PUM1: variants seen among roughly 807,000 people sequenced by gnomAD.
The protein encoded by PUM1 is pumilio homolog 1.
A neutral mutation model predicts 131.8 loss-of-function variants in PUM1; 13 were observed. The ratio of observed to expected loss-of-function variants is 0.10; its 90% confidence interval spans 0.06 to 0.16. The LOEUF (loss-of-function observed/expected upper bound fraction) is 0.16, where lower values mean the gene tolerates loss of function less well. Ranked by LOEUF, PUM1 falls within the 10% of genes least tolerant of loss-of-function variation. PUM1 has a pLI of 1.00. For synonymous variants in PUM1, 509 were observed against 556.5 expected (o/e 0.91, Z 1.20); for missense variants, 961 against 1,512.4 (o/e 0.64, Z 6.05).
intron 1 of PUM1, among the ~76,000 whole-genome samples, chr1:31,060,423 T>C (rs1488387961): frequency 6.6e-6 from 1 of 151,964 alleles, no homozygotes; most frequent in Non-Finnish European, 1.5e-5. Context: ...ATCATGCCAC[T>C]GTACTCCAAC....
intron 3 of PUM1, among the ~76,000 whole-genome samples, chr1:31,026,432 T>C (rs940533496): frequency 6.6e-6 from 1 of 152,202 alleles, no homozygotes; most frequent in Non-Finnish European, 1.5e-5. Context: ...ACTAGTCCTG[T>C]CAATAATGAT....
chr1:30,951,375 A>G (rs1639926667), intron 16 of PUM1, among the ~76,000 whole-genome samples: 1 of 152,246 alleles, frequency 6.6e-6, no homozygotes, highest in Admixed American at 6.5e-5. Context: ...GGGTGAAAAA[A>G]CATAAGTCTT....
rs533017068 is a variant in PUM1 at position 31,004,173 on chromosome 1, G to A, written c.720+1680C>T. Among the ~76,000 whole-genome samples the A allele has an allele frequency of 6.6e-5, 10 of 152,250 alleles. 1 individual carries two copies. The South Asian group carries it at 1.7e-3, about 25-fold the overall frequency. ...TACAGCTTTTGTCATCAAAATAACC[G>A]TCTAGTGAGATGACTGTTTAAAGAG... On this transcript the variant is annotated intron_variant, in intron 5 of 21. Transcript: ENST00000426105.
intron 3 of PUM1, among the ~76,000 whole-genome samples, chr1:31,020,571 A>AC (rs1348409685): frequency 6.6e-6 from 1 of 152,014 alleles, no homozygotes; most frequent in East Asian, 1.9e-4. Context: ...TTGCTTCATG[A>AC]CCCCCTCACA....
At chr1:31,058,661 T>TG (rs1644303360) in intron 2 of PUM1, among the ~76,000 whole-genome samples, 2 of 125,428 alleles carry the variant, frequency 1.6e-5, no homozygotes, top group Admixed American at 1.7e-4. Flanking sequence ...GACTCCGTCT[T>TG]AAAAAAAAAA....
intron 3 of PUM1, among the ~76,000 whole-genome samples, chr1:31,024,320 C>T (rs954634086): frequency 2.0e-5 from 3 of 152,144 alleles, no homozygotes; most frequent in Admixed American, 6.5e-5. Flanking sequence ...CTCTATAAGC[C>T]ACTCTGCTAT....
At chr1:31,003,495 G>A (rs907643630) in intron 5 of PUM1, among the ~76,000 whole-genome samples, 3 of 152,106 alleles carry the variant, frequency 2.0e-5, no homozygotes, top group Non-Finnish European at 4.4e-5. Context: ...GGTGGCTCAC[G>A]CTTGTAATCC....
Position 31,017,631 on chromosome 1 carries a change from C to A in PUM1, c.433-10529G>T, listed in dbSNP as rs1348690986. On this transcript the variant is annotated intron_variant, in intron 3 of 21. Transcript: ENST00000426105. ...CCAGGGAAGCCAAAAGACTGGACAA[C>A]CCTGATTTAGAGTGAGTGAGACAGT... is the stretch of plus-strand genomic sequence containing the variant. 2.0e-5 allele frequency among the ~76,000 whole-genome samples: 3 copies of A among 151,868 alleles called. No individual in the cohort carries two copies. In the East Asian group the frequency reaches 5.8e-4, roughly 29 times the overall value.
At chr1:31,047,792 A>C (rs1047184436) in intron 2 of PUM1, among the ~76,000 whole-genome samples, 2 of 152,168 alleles carry the variant, frequency 1.3e-5, no homozygotes, top group African/African-American at 4.8e-5. Flanking sequence ...AAGTACAAAA[A>C]TTAGCTGGGC....
intron 7 of PUM1, among the ~76,000 whole-genome samples, chr1:30,984,606 A>G (rs755157537): frequency 6.6e-6 from 1 of 152,202 alleles, no homozygotes; most frequent in Non-Finnish European, 1.5e-5. Flanking sequence ...TACTTCAAGC[A>G]TATCGAGGTT....
At chr1:31,046,324 T>A (rs1218333288) in intron 2 of PUM1, among the ~76,000 whole-genome samples, 1 of 151,956 alleles carries the variant, frequency 6.6e-6, no homozygotes, top group South Asian at 2.1e-4. Flanking sequence ...AGGTGGAGGT[T>A]GCGGTGAGCC....
intron 5 of PUM1, among the ~76,000 whole-genome samples, chr1:30,997,512 T>C (rs1441802810): frequency 6.7e-6 from 1 of 150,292 alleles, no homozygotes; most frequent in Non-Finnish European, 1.5e-5. Context: ...TTTTTTTTTT[T>C]TTTTAAAGGA....
chr1:31,038,879 G>GA (rs1643702830), intron 2 of PUM1, among the ~76,000 whole-genome samples: 1 of 145,730 alleles, frequency 6.9e-6, no homozygotes, highest in Non-Finnish European at 1.5e-5. Context: ...GGAAAAGATG[G>GA]AAACAGTCTA....
intron 2 of PUM1, among the ~76,000 whole-genome samples, chr1:31,029,475 C>T (rs1255941385): frequency 1.3e-5 from 2 of 152,252 alleles, no homozygotes; most frequent in African/African-American, 4.8e-5. Flanking sequence ...TGTAATCCTA[C>T]CTACAGCATA....
rs1379891549 is a variant in PUM1 at position 31,038,977 on chromosome 1, TATATA to T, written c.364-10118_364-10114del. On this transcript the variant is annotated intron_variant, in intron 2 of 21. Coordinates refer to ENST00000426105, the MANE Select transcript of PUM1 (RefSeq NM_001020658.2). ...AAAATTTTATATATATATATATATA[TATATA>T]TATTTTTTTTTTTTTTTTCCTTTTC... is the stretch of plus-strand genomic sequence containing the variant. Among the ~76,000 whole-genome samples, 12 of 38,956 alleles carry T rather than the reference TATATA, an allele frequency of 3.1e-4. 1 individual carries two copies. Among genetic ancestry groups the T allele is most frequent in the Non-Finnish European group, 4.2e-4 (9 of 21,284 alleles). The allele number at this position is 38,956 out of a possible 152,430, so 25.6% of individuals were successfully genotyped here.
At chr1:30,967,341 T>C (rs1363942712) in intron 11 of PUM1, 31 bp from the exon 12 acceptor site, 2 of 1,593,430 alleles carry the variant, frequency 1.3e-6, no homozygotes, top group South Asian at 1.1e-5. Flanking sequence ...AAGAAATGTA[T>C]ATGTTAAACA....
At chr1:31,020,391 T>G (rs1251032225) in intron 3 of PUM1, among the ~76,000 whole-genome samples, 1 of 152,206 alleles carries the variant, frequency 6.6e-6, no homozygotes, top group East Asian at 1.9e-4. Flanking sequence ...GTATAACAAT[T>G]TATTTTGACT....
intron 2 of PUM1, among the ~76,000 whole-genome samples, chr1:31,032,548 G>A (rs1276088596): frequency 7.0e-6 from 1 of 143,764 alleles, no homozygotes; most frequent in Admixed American, 7.3e-5. Context: ...CCAGGCTGGA[G>A]TGCAGTGGCG....
rs749660419 is a variant in PUM1 at position 30,992,485 on chromosome 1, T to C, written c.1063A>G (p.Met355Val). Residue 355 changes from methionine to valine, a missense_variant, in exon 7 of 22, where the codon ATG becomes GTG. This residue lies in a region of PUM1 where 654 missense variants were observed against 923.9 expected (regional missense o/e 0.71). Transcript: ENST00000426105. ...GAATAATCAAACTGAAGAGGCTCCA[T>C]GCCCACATGTTCCATGGGGTCCAAG... ...VPLDPMEHVG[M>V]EPLQFDYSGT... is the part of the protein sequence containing the mutation. The C allele has an allele frequency of 1.2e-6, 2 of 1,614,204 alleles. No individual in the cohort carries two copies. Among genetic ancestry groups the C allele is most frequent in the Non-Finnish European group, 1.7e-6 (2 of 1,180,034 alleles).
Sources: gnomAD v4.1 joint callset for allele counts (sites outside exome capture counted in the v4.1 genomes callset) on GRCh38, gnomAD v4.1.1 for gene constraint, gnomAD v4.1.1 regional missense constraint, MANE v1.5 for transcripts, NCBI Gene and HGNC (gene_info 2026-07-23, HGNC 2026-07-21) for gene names.